Variants in MGAT4C observed in about 807,000 individuals in gnomAD.
MGAT4C encodes alpha-1,3-mannosyl-glycoprotein 4-beta-N-acetylglucosaminyltransferase C.
MGAT4C carries 19 observed loss-of-function variants against 40.1 expected under a neutral mutation model. That is an observed-to-expected ratio of 0.47 (90% confidence interval 0.33 to 0.70). The LOEUF (loss-of-function observed/expected upper bound fraction) is 0.70, where lower values mean the gene tolerates loss of function less well. MGAT4C is among the 30% of genes least tolerant of loss of function. The pLI is 0.02. For synonymous variants in MGAT4C, 181 were observed against 187.1 expected (o/e 0.97, Z 0.27); for missense variants, 491 against 563.2 (o/e 0.87, Z 1.30).
At chr12:86,518,332 A>G (rs1386032157) in intron 2 of MGAT4C, among the ~76,000 whole-genome samples, 10 of 152,234 alleles carry the variant, frequency 6.6e-5, no homozygotes, top group Admixed American at 4.6e-4. Context: ...CAAAATATAC[A>G]TATATAACTT....
chr12:86,763,936 C>T (rs894396688), intron 1 of MGAT4C, among the ~76,000 whole-genome samples: 10 of 152,228 alleles, frequency 6.6e-5, no homozygotes, highest in South Asian at 2.1e-4. Context: ...GCATGAGCAA[C>T]GCAGAAGACG....
rs1883616317 is a variant in MGAT4C, at chr12:85,971,395, G to T, written c.*7894C>A. 6.6e-6 allele frequency: 1 copy of T among 151,012 alleles called. No homozygotes were observed. The highest frequency in any genetic ancestry group is 2.4e-5 in the African/African-American group (1 of 41,320). The allele number at this position is 151,012 out of a possible 1,614,324, so 9.4% of individuals were successfully genotyped here. A position where few individuals can be genotyped will look rare whatever the true frequency, so the allele number is the denominator to read the frequency against. Reference sequence around the variant, plus strand: ...GTTGTTAACTTTTCAAAGATGATCGGTTTAGATTGCTTTAACTTGAAGGAC... The same window carrying T: ...GTTGTTAACTTTTCAAAGATGATCGTTTTAGATTGCTTTAACTTGAAGGAC... On this transcript the variant is annotated 3_prime_UTR_variant, in exon 5 of 5. Transcript: ENST00000611864.
intron 2 of MGAT4C, among the ~76,000 whole-genome samples, chr12:86,454,752 C>T (rs996388813): frequency 3.3e-5 from 5 of 151,966 alleles, no homozygotes; most frequent in African/African-American, 1.2e-4. Context: ...TTAATAACAG[C>T]GATAGCAGTT....
chr12:86,502,735 CAT>C (rs1429669969), intron 2 of MGAT4C, among the ~76,000 whole-genome samples: 1 of 141,384 alleles, frequency 7.1e-6, no homozygotes, highest in Non-Finnish European at 1.5e-5. Context: ...GAGTTCTGCT[CAT>C]ATATAAATAC....
intron 4 of MGAT4C, among the ~76,000 whole-genome samples, chr12:86,305,961 G>T (rs756494423): frequency 1.3e-5 from 2 of 150,338 alleles, no homozygotes; most frequent in Admixed American, 6.6e-5. Flanking sequence ...ATCTTTAAAA[G>T]AAATTGTTTT....
At chr12:86,219,332 AATAAT>A (rs1950792270) in intron 1 of MGAT4C, among the ~76,000 whole-genome samples, 1 of 149,302 alleles carries the variant, frequency 6.7e-6, no homozygotes, top group African/African-American at 2.5e-5. Flanking sequence ...AAAGAGATAA[AATAAT>A]ATGTTATGAA....
At chr12:86,754,140 T>C (rs563721300) in intron 1 of MGAT4C, among the ~76,000 whole-genome samples, 24 of 152,278 alleles carry the variant, frequency 1.6e-4, no homozygotes, top group African/African-American at 5.8e-4. Flanking sequence ...TTCCATGCAA[T>C]GGAATTTGAC....
At chr12:86,128,714 A>G (rs1242940410) in intron 1 of MGAT4C, among the ~76,000 whole-genome samples, 2 of 152,230 alleles carry the variant, frequency 1.3e-5, no homozygotes, top group Admixed American at 1.3e-4. Flanking sequence ...ATTTTCTTCA[A>G]AATATGAGCC....
intron 3 of MGAT4C, among the ~76,000 whole-genome samples, chr12:86,361,111 CA>C (rs1955454804): frequency 6.6e-6 from 1 of 152,160 alleles, no homozygotes; most frequent in African/African-American, 2.4e-5. Context: ...GCAACCAAAA[CA>C]GCATGATACT....
chr12:86,052,285 G>A (rs1892970404), intron 1 of MGAT4C, among the ~76,000 whole-genome samples: 1 of 151,510 alleles, frequency 6.6e-6, no homozygotes, highest in Non-Finnish European at 1.5e-5. Flanking sequence ...AGAAAGGTAA[G>A]TGACCAAGCC....
chr12:86,722,526 C>T (rs1950754163), intron 2 of MGAT4C, among the ~76,000 whole-genome samples: 1 of 152,152 alleles, frequency 6.6e-6, no homozygotes, highest in Non-Finnish European at 1.5e-5. Context: ...TTTGTGAACA[C>T]ATAGCACACT....
chr12:86,471,957 T>A (rs1470699214), intron 2 of MGAT4C, among the ~76,000 whole-genome samples: 1 of 152,168 alleles, frequency 6.6e-6, no homozygotes, highest in Non-Finnish European at 1.5e-5. Context: ...GTTTTTATCA[T>A]ATAAACATTT....
At position 86,112,002 on chromosome 12, in the gene MGAT4C, A is replaced by C. The variant is rs561409017; in HGVS notation, c.-56-62279T>G. Reference sequence around the variant, plus strand: ...ATGCCAAATATGTATGTACATGTGTATACTGTGCAAGTATACATATGTATA... The same window carrying C: ...ATGCCAAATATGTATGTACATGTGTCTACTGTGCAAGTATACATATGTATA... On this transcript the variant is annotated intron_variant, in intron 1 of 4. Coordinates refer to ENST00000611864, the MANE Select transcript of MGAT4C (RefSeq NM_001351288.2). Among the ~76,000 whole-genome samples the C allele has an allele frequency of 5.9e-5, 9 of 151,992 alleles. No homozygotes were observed. In the East Asian group the frequency reaches 1.7e-3, roughly 29 times the overall value.
intron 2 of MGAT4C, among the ~76,000 whole-genome samples, chr12:86,530,451 G>A (rs188023397): frequency 1.3e-3 from 197 of 151,952 alleles, no homozygotes; most frequent in African/African-American, 4.5e-3. Flanking sequence ...GACATATTAT[G>A]TACTCCTTAG....
intron 2 of MGAT4C, among the ~76,000 whole-genome samples, chr12:85,999,716 T>C (rs1415190130): frequency 6.6e-6 from 1 of 152,008 alleles, no homozygotes; most frequent in Non-Finnish European, 1.5e-5. Context: ...ATCCTGTCAT[T>C]TGCAGCAACA....
intron 2 of MGAT4C, among the ~76,000 whole-genome samples, chr12:86,458,217 T>C (rs1957541850): frequency 6.6e-6 from 1 of 152,124 alleles, no homozygotes; most frequent in African/African-American, 2.4e-5. Context: ...TTACAGACAA[T>C]AAAACTAAGC....
At chr12:86,497,128 CTTAG>C (rs1000971884) in intron 2 of MGAT4C, among the ~76,000 whole-genome samples, 9 of 151,984 alleles carry the variant, frequency 5.9e-5, no homozygotes, top group Non-Finnish European at 7.4e-5. Context: ...TTGCTAAGAA[CTTAG>C]TTAATTAAAA....
At chr12:86,029,153 T>G (rs935504897) in intron 2 of MGAT4C, among the ~76,000 whole-genome samples, 6 of 151,910 alleles carry the variant, frequency 3.9e-5, no homozygotes, top group Non-Finnish European at 5.9e-5. Flanking sequence ...ATTTAGCTTT[T>G]AGTGTGTGCC....
At chr12:86,541,274 GT>G (rs959372095) in intron 2 of MGAT4C, among the ~76,000 whole-genome samples, 2 of 152,106 alleles carry the variant, frequency 1.3e-5, no homozygotes, top group Non-Finnish European at 1.5e-5. Context: ...GTGAAAATAT[GT>G]TTTAGATATC....
Sources: allele counts gnomAD v4.1 joint callset (sites outside exome capture counted in the v4.1 genomes callset), GRCh38; gene constraint gnomAD v4.1.1; transcripts MANE v1.5; gene names NCBI Gene and HGNC (gene_info 2026-07-23, HGNC 2026-07-21).